The following CSRNP2 variants were observed in gnomAD, a reference collection of about 807,000 sequenced individuals.
CSRNP2 encodes the protein cysteine and serine rich nuclear protein 2, also known as cysteine/serine-rich nuclear protein 2.
A neutral mutation model predicts 36.6 loss-of-function variants in CSRNP2; 11 were observed. That is an observed-to-expected ratio of 0.30 (90% CI 0.19 to 0.50). The LOEUF (loss-of-function observed/expected upper bound fraction) is 0.50, where lower values mean the gene tolerates loss of function less well. Among genes scored for constraint, CSRNP2 ranks in the 20% least tolerant of loss-of-function variants. The pLI is 0.98. For synonymous variants in CSRNP2, 248 were observed against 275.3 expected (o/e 0.90, Z 0.98); for missense variants, 483 against 691.4 (o/e 0.70, Z 3.38).
intron 3 of CSRNP2, among the ~76,000 whole-genome samples, chr12:51,071,059 C>T (rs1041580872): frequency 7.9e-5 from 12 of 151,984 alleles, no homozygotes; most frequent in East Asian, 1.9e-4. Context: ...GCCAGGACTT[C>T]GAGACTAGCC....
At chr12:51,076,708 T>C (rs1939417446) in intron 1 of CSRNP2, 61 bp from the exon 2 acceptor site, 2 of 769,508 alleles carry the variant, frequency 2.6e-6, no homozygotes, top group African/African-American at 1.7e-5. Context: ...CCCCAGTCTA[T>C]ACACACAGCT....
In CSRNP2 at chr12:51,067,570, T is replaced by C. The variant is rs1343780825; in HGVS notation, c.708+103A>G. The C allele has an allele frequency of 3.5e-6, 4 of 1,132,800 alleles. No homozygotes were observed. In the East Asian group the frequency reaches 7.1e-5, roughly 20 times the overall value. The allele number at this position is 1,132,800 out of a possible 1,614,324, so 70.2% of individuals were successfully genotyped here. The stretch of plus-strand genomic sequence containing the variant: ...TGGAACTGGAGAGTGTTCACAACCA[T>C]AGGGAATCCACCCCTGAATGGGCCT... On this transcript the variant is annotated intron_variant, in intron 4 of 4. Transcript: ENST00000228515. The surrounding 1 kb of genome is among the most constrained non-coding windows in gnomAD (Gnocchi z 4.1).
In CSRNP2 at chr12:51,064,586, C is replaced by G; in HGVS notation, c.792G>C (p.Arg264=). ...TGGTGTGGAGGTAATGAGTCCGGACCCGGATTGGATTAAATTCAATGCGTC... is the reference window on the plus strand; with the variant it reads ...TGGTGTGGAGGTAATGAGTCCGGACGCGGATTGGATTAAATTCAATGCGTC... The part of the protein sequence containing the change: ...MAGRIEFNPI[R]VRTHYLHTIM... The change falls in exon 5 of 5, where the codon CGG becomes CGC. Residue 264 remains arginine (R), a synonymous_variant. Coordinates refer to ENST00000228515, the MANE Select transcript of CSRNP2 (RefSeq NM_030809.3). 1 of 1,600,848 alleles carries G rather than the reference C, an allele frequency of 6.2e-7. No homozygotes were observed. The highest frequency in any genetic ancestry group is 8.5e-7 in the Non-Finnish European group (1 of 1,174,158).
intron 1 of CSRNP2, among the ~76,000 whole-genome samples, chr12:51,080,684 T>G (rs1278556627): frequency 7.9e-5 from 12 of 152,204 alleles, no homozygotes; most frequent in Non-Finnish European, 5.9e-5. Context: ...AGGACTCCTC[T>G]CTTCACCCTA....
At chr12:51,079,846 G>A (rs1187169418) in intron 1 of CSRNP2, among the ~76,000 whole-genome samples, 59 of 150,600 alleles carry the variant, frequency 3.9e-4, no homozygotes, top group Middle Eastern at 3.4e-3. Flanking sequence ...AGGCCAAGGC[G>A]GGTGGATCAC....
At chr12:51,073,547 C>T (rs1939272830) in intron 3 of CSRNP2, among the ~76,000 whole-genome samples, 1 of 151,632 alleles carries the variant, frequency 6.6e-6, no homozygotes, top group South Asian at 2.1e-4. Flanking sequence ...GCCTGGGCAA[C>T]ATGGCAAAAC....
rs538506926 is a variant in CSRNP2, at chr12:51,061,778, A to G, written c.*1968T>C. On this transcript the variant is annotated 3_prime_UTR_variant, in exon 5 of 5. Transcript: ENST00000228515. The stretch of plus-strand genomic sequence containing the variant: ...CGTGCAGCTGGAATCTACTTCCTAG[A>G]TTAAGCCGGAGCCTTCCTGCAGAGA... 11 of 152,324 alleles carry G rather than the reference A, an allele frequency of 7.2e-5. No individual in the cohort carries two copies. The East Asian group carries it at 2.1e-3, about 29-fold the overall frequency. The allele number at this position is 152,324 out of a possible 1,614,324, so 9.4% of individuals were successfully genotyped here. A position where few individuals can be genotyped will look rare whatever the true frequency, so the allele number is the denominator to read the frequency against.
chr12:51,072,375 T>C lies in CSRNP2; in HGVS notation c.411+1448A>G, dbSNP rs188296559. ...GAGACCGAACCCATCCTGGCTAACA[T>C]GGTGAAACCCCGTCTCTATTAAAAA... On this transcript the variant is annotated intron_variant, in intron 3 of 4. Transcript: ENST00000228515. Among the ~76,000 whole-genome samples the C allele has an allele frequency of 6.0e-5, 9 of 151,094 alleles. No homozygotes were observed. The East Asian group carries it at 1.2e-3, about 20-fold the overall frequency.
rs1937796903 is a variant in CSRNP2 at position 51,063,658 on chromosome 12, C to G, written c.*88G>C. On this transcript the variant is annotated 3_prime_UTR_variant, in exon 5 of 5. Coordinates refer to ENST00000228515, the MANE Select transcript of CSRNP2 (RefSeq NM_030809.3). ...CAATAAAATAACATGGGAGCAGCAG[C>G]TGCTTCTACAGTTTTGTTTTGAAAT... 1.9e-6 allele frequency: 2 copies of G among 1,031,002 alleles called. No individual in the cohort carries two copies. Among genetic ancestry groups the G allele is most frequent in the Non-Finnish European group, 2.7e-6 (2 of 732,500 alleles). The allele number at this position is 1,031,002 out of a possible 1,614,324, so 63.9% of individuals were successfully genotyped here.
chr12:51,076,682 C>A (rs923574156), intron 1 of CSRNP2, 35 bp from the exon 2 acceptor site: 13 of 1,107,022 alleles, frequency 1.2e-5, no homozygotes, highest in Non-Finnish European at 1.6e-5. Flanking sequence ...GCATTCCTGT[C>A]CCCAGACAGA....
chr12:51,062,755 T>C lies in CSRNP2; in HGVS notation c.*991A>G, dbSNP rs1937703943. ...CAAAAACTGATTGGTGACCTTAAGA[T>C]TGCCACATTCTACATTCCACTAAAG... On this transcript the variant is annotated 3_prime_UTR_variant, in exon 5 of 5. Coordinates refer to ENST00000228515, the MANE Select transcript of CSRNP2 (RefSeq NM_030809.3). 1 of 152,294 alleles carries C rather than the reference T, an allele frequency of 6.6e-6. No individual in the cohort carries two copies. Among genetic ancestry groups the C allele is most frequent in the African/African-American group, 2.4e-5 (1 of 41,446 alleles). The allele number at this position is 152,294 out of a possible 1,614,324, so 9.4% of individuals were successfully genotyped here.
At position 51,076,544 on chromosome 12, in the gene CSRNP2, G is replaced by C. The variant is rs1377212161; in HGVS notation, c.18C>G (p.Gly6=). The C allele has an allele frequency of 6.2e-7, 1 of 1,614,044 alleles. No homozygotes were observed. Among genetic ancestry groups the C allele is most frequent in the Non-Finnish European group, 8.5e-7 (1 of 1,180,014 alleles). MDAFT[G]SGLKRKFDDV... Reference sequence around the variant, plus strand: ...CATCAAACTTCCTCTTGAGACCCGAGCCCGTGAATGCATCCATTGGTTTCA... The same window carrying C: ...CATCAAACTTCCTCTTGAGACCCGACCCCGTGAATGCATCCATTGGTTTCA... Residue 6 remains glycine (G), a synonymous_variant, in exon 2 of 5, where the codon GGC becomes GGG. Coordinates refer to ENST00000228515, the MANE Select transcript of CSRNP2 (RefSeq NM_030809.3).
rs1346928491 is a variant in CSRNP2 at position 51,062,388 on chromosome 12, A to G, written c.*1358T>C. 2.0e-5 allele frequency: 3 copies of G among 152,236 alleles called. No homozygotes were observed. The highest frequency in any genetic ancestry group is 7.2e-5 in the African/African-American group (3 of 41,466). The allele number at this position is 152,236 out of a possible 1,614,324, so 9.4% of individuals were successfully genotyped here. The stretch of plus-strand genomic sequence containing the variant: ...ACTGCCTCCATTTTAGAACAGAGAC[A>G]AAGATCACTTTGCTAATGAAAGGAA... On this transcript the variant is annotated 3_prime_UTR_variant, in exon 5 of 5. Coordinates refer to ENST00000228515, the MANE Select transcript of CSRNP2 (RefSeq NM_030809.3).
chr12:51,068,808 T>C (rs1431681750), intron 3 of CSRNP2, among the ~76,000 whole-genome samples: 1 of 151,980 alleles, frequency 6.6e-6, no homozygotes, highest in Non-Finnish European at 1.5e-5. Context: ...AATTAAAGTG[T>C]AGTAAAAGGC....
intron 1 of CSRNP2, 26 bp from the exon 2 acceptor site, chr12:51,076,673 C>G (rs1939415774): frequency 8.2e-7 from 1 of 1,225,194 alleles, no homozygotes; most frequent in Non-Finnish European, 1.2e-6. Context: ...AAGGAATCAG[C>G]ATTCCTGTCC....
chr12:51,067,566 A>G lies in CSRNP2; in HGVS notation c.708+107T>C. The G allele has an allele frequency of 9.1e-7, 1 of 1,094,288 alleles. No individual in the cohort carries two copies. Among genetic ancestry groups the G allele is most frequent in the Non-Finnish European group, 1.3e-6 (1 of 744,990 alleles). The allele number at this position is 1,094,288 out of a possible 1,614,324, so 67.8% of individuals were successfully genotyped here. The stretch of plus-strand genomic sequence containing the variant: ...GTTGTGGAACTGGAGAGTGTTCACA[A>G]CCATAGGGAATCCACCCCTGAATGG... On this transcript the variant is annotated intron_variant, in intron 4 of 4. Coordinates refer to ENST00000228515, the MANE Select transcript of CSRNP2 (RefSeq NM_030809.3). The surrounding 1 kb of genome is among the most constrained non-coding windows in gnomAD (Gnocchi z 4.1).
rs566842582 is a variant in CSRNP2 at position 51,068,345 on chromosome 12, T to G, written c.412-376A>C. On this transcript the variant is annotated intron_variant, in intron 3 of 4. Coordinates refer to ENST00000228515, the MANE Select transcript of CSRNP2 (RefSeq NM_030809.3). The stretch of plus-strand genomic sequence containing the variant: ...TTTTCTATTTTCAGTAAAGACAGGG[T>G]TTCACTGTGTTGGCCAGGCTAGTCT... 3.3e-5 allele frequency among the ~76,000 whole-genome samples: 5 copies of G among 152,246 alleles called. No homozygotes were observed. In the East Asian group the frequency reaches 9.7e-4, roughly 29 times the overall value.
rs1188387563 is a variant in CSRNP2 at position 51,061,766 on chromosome 12, T to G, written c.*1980A>C. The G allele has an allele frequency of 1.3e-5, 2 of 152,202 alleles. No individual in the cohort carries two copies. Among genetic ancestry groups the G allele is most frequent in the Non-Finnish European group, 2.9e-5 (2 of 68,036 alleles). The allele number at this position is 152,202 out of a possible 1,614,324, so 9.4% of individuals were successfully genotyped here. ...TGTGTTCCTCATCGTGCAGCTGGAA[T>G]CTACTTCCTAGATTAAGCCGGAGCC... On this transcript the variant is annotated 3_prime_UTR_variant, in exon 5 of 5. Coordinates refer to ENST00000228515, the MANE Select transcript of CSRNP2 (RefSeq NM_030809.3).
At chr12:51,077,810 T>A (rs1244317997) in intron 1 of CSRNP2, among the ~76,000 whole-genome samples, 1 of 152,098 alleles carries the variant, frequency 6.6e-6, no homozygotes, top group African/African-American at 2.4e-5. Flanking sequence ...GGAAAACAAA[T>A]AGCAAGAGAA....
Sources: allele counts gnomAD v4.1 joint callset (sites outside exome capture counted in the v4.1 genomes callset), GRCh38; gene constraint gnomAD v4.1.1; non-coding constraint Gnocchi (gnomAD v3.1); transcripts MANE v1.5; gene names NCBI Gene and HGNC (gene_info 2026-07-23, HGNC 2026-07-21).